Variants in ETV6 observed in about 807,000 individuals in gnomAD.
ETV6 encodes the protein ETS variant transcription factor 6.
Under a neutral mutation model 51.1 loss-of-function variants are expected in ETV6, and 16 were observed. The observed-to-expected ratio is 0.31, with a 90% CI of 0.21 to 0.48. The LOEUF (loss-of-function observed/expected upper bound fraction) is 0.48, where lower values mean the gene tolerates loss of function less well. Ranked by LOEUF, ETV6 falls within the 20% of genes least tolerant of loss-of-function variation. The pLI, the probability that ETV6 is intolerant of heterozygous loss-of-function variation, is 0.99. For missense variants in ETV6, 458 were observed against 594.8 expected, an observed-to-expected ratio of 0.77 and a Z score of 2.39; for synonymous variants, 240 against 224.1, an observed-to-expected ratio of 1.07 and a Z score of -0.64.
At chr12:11,865,679 A>G (rs1388024534) in intron 4 of ETV6, among the ~76,000 whole-genome samples, 2 of 148,522 alleles carry the variant, frequency 1.3e-5, no homozygotes, top group Non-Finnish European at 3.0e-5. Flanking sequence ...TACTATAATC[A>G]TATATAGTAT....
chr12:11,870,095 G>C (rs778280473), intron 5 of ETV6, 126 bp downstream of exon 5: 13 of 1,049,532 alleles, frequency 1.2e-5, no homozygotes, highest in Non-Finnish European at 1.8e-5. Flanking sequence ...CTCTCTGAGG[G>C]CAATTGGAGG....
At chr12:11,751,091 G>A (rs979460120) in intron 1 of ETV6, among the ~76,000 whole-genome samples, 1 of 152,018 alleles carries the variant, frequency 6.6e-6, no homozygotes, top group Non-Finnish European at 1.5e-5. Flanking sequence ...GGGTGCCTTA[G>A]GGAAGGTATA....
At chr12:11,890,324 AAG>A (rs1048848159) in intron 7 of ETV6, among the ~76,000 whole-genome samples, 1 of 152,112 alleles carries the variant, frequency 6.6e-6, no homozygotes, top group Non-Finnish European at 1.5e-5. Flanking sequence ...CTGTAAAAGA[AAG>A]AACATATATA....
At chr12:11,669,566 C>T (rs1465063480) in intron 1 of ETV6, among the ~76,000 whole-genome samples, 1 of 152,054 alleles carries the variant, frequency 6.6e-6, no homozygotes, top group Non-Finnish European at 1.5e-5. Flanking sequence ...ACATCTCTAT[C>T]TCCTGTGGCG....
intron 1 of ETV6, among the ~76,000 whole-genome samples, chr12:11,722,925 G>T (rs1167415840): frequency 2.0e-5 from 3 of 152,176 alleles, no homozygotes; most frequent in Admixed American, 6.5e-5. Flanking sequence ...CAGAGTTTCT[G>T]ATTTGGTAGG....
intron 5 of ETV6, among the ~76,000 whole-genome samples, chr12:11,872,658 G>A (rs1011323301): frequency 2.0e-5 from 3 of 151,852 alleles, no homozygotes; most frequent in East Asian, 1.9e-4. Flanking sequence ...CATGCCTGGC[G>A]AATTTTTTTG....
At chr12:11,801,295 G>C (rs528309275) in intron 2 of ETV6, among the ~76,000 whole-genome samples, 2 of 152,346 alleles carry the variant, frequency 1.3e-5, no homozygotes, top group African/African-American at 4.8e-5. Context: ...TTTAATGCAA[G>C]AGGTAACTCT....
chr12:11,663,888 G>T (rs1864147475), intron 1 of ETV6, among the ~76,000 whole-genome samples: 1 of 152,168 alleles, frequency 6.6e-6, no homozygotes, highest in African/African-American at 2.4e-5. Flanking sequence ...TTTTCTTTAA[G>T]CTGGCTTAAG....
At chr12:11,863,904 G>C (rs893244144) in intron 4 of ETV6, among the ~76,000 whole-genome samples, 2 of 152,234 alleles carry the variant, frequency 1.3e-5, no homozygotes, top group African/African-American at 4.8e-5. Flanking sequence ...AGCCTTGACA[G>C]TGGTTGTGCC....
intron 1 of ETV6, among the ~76,000 whole-genome samples, chr12:11,695,165 T>C (rs1213103690): frequency 1.3e-5 from 2 of 152,198 alleles, no homozygotes; most frequent in African/African-American, 4.8e-5. Flanking sequence ...CCCAAATTCA[T>C]ATGACCCCTT....
At chr12:11,875,960 A>C (rs982348437) in intron 5 of ETV6, among the ~76,000 whole-genome samples, 14 of 152,116 alleles carry the variant, frequency 9.2e-5, no homozygotes, top group African/African-American at 3.1e-4. Context: ...TTTACAGAAA[A>C]CGTTTGATGC....
At chr12:11,752,422 C>T (rs1214181311) in intron 1 of ETV6, 28 bp from the exon 2 acceptor site, 2 of 1,598,556 alleles carry the variant, frequency 1.3e-6, no homozygotes, top group Admixed American at 3.4e-5. Flanking sequence ...CTCTCCCCCT[C>T]CCCTCTTCCT....
chr12:11,676,421 G>A (rs929966017), intron 1 of ETV6, among the ~76,000 whole-genome samples: 3 of 152,172 alleles, frequency 2.0e-5, no homozygotes, highest in Non-Finnish European at 4.4e-5. Flanking sequence ...TGACCAGGCT[G>A]CAAGGCCCTG....
At chr12:11,656,352 G>A (rs961249314) in intron 1 of ETV6, among the ~76,000 whole-genome samples, 1 of 152,166 alleles carries the variant, frequency 6.6e-6, no homozygotes, top group East Asian at 1.9e-4. Context: ...CCATTTTTGC[G>A]AAGAAAATTA....
chr12:11,856,199 C>G (rs1055630669), intron 4 of ETV6, among the ~76,000 whole-genome samples: 1 of 152,154 alleles, frequency 6.6e-6, no homozygotes, highest in Non-Finnish European at 1.5e-5. Context: ...ACTCTGAGAG[C>G]TGCTCGCAAA....
At chr12:11,864,864 G>C (rs1201495483) in intron 4 of ETV6, among the ~76,000 whole-genome samples, 1 of 152,094 alleles carries the variant, frequency 6.6e-6, no homozygotes. Flanking sequence ...TCAACTCAAG[G>C]CCAATCATGT....
chr12:11,687,488 C>G (rs1287343871), intron 1 of ETV6, among the ~76,000 whole-genome samples: 2 of 152,108 alleles, frequency 1.3e-5, no homozygotes, highest in Non-Finnish European at 2.9e-5. Flanking sequence ...GCCACACCCC[C>G]TTTTTTTCTT....
At chr12:11,709,529 A>G (rs1485528587) in intron 1 of ETV6, among the ~76,000 whole-genome samples, 3 of 152,142 alleles carry the variant, frequency 2.0e-5, no homozygotes, top group African/African-American at 7.2e-5. Flanking sequence ...TTGGAAATCT[A>G]GTAATTGTGA....
chr12:11,697,232 C>T (rs1864893542), intron 1 of ETV6, among the ~76,000 whole-genome samples: 1 of 152,090 alleles, frequency 6.6e-6, no homozygotes, highest in South Asian at 2.1e-4. Flanking sequence ...TTGATGGGTC[C>T]TGAATGTCAC....
Sources: gnomAD v4.1 joint callset for allele counts (sites outside exome capture counted in the v4.1 genomes callset) on GRCh38, gnomAD v4.1.1 for gene constraint, MANE v1.5 for transcripts, NCBI Gene and HGNC (gene_info 2026-07-23, HGNC 2026-07-21) for gene names.